The following SNRNP40 variants were observed in gnomAD, a reference collection of about 807,000 sequenced individuals.
SNRNP40 encodes the protein U5 small nuclear ribonucleoprotein 40 kDa protein.
Under a neutral mutation model 45.8 loss-of-function variants are expected in SNRNP40, and 21 were observed. The ratio of observed to expected loss-of-function variants is 0.46; its 90% CI spans 0.32 to 0.66. SNRNP40 has a LOEUF of 0.66. Ranked by LOEUF, SNRNP40 falls within the 30% of genes least tolerant of loss-of-function variation. The pLI, the probability that SNRNP40 is intolerant of heterozygous loss-of-function variation, is 0.03. For synonymous variants in SNRNP40, 142 were observed against 163.8 expected (o/e 0.87, Z 1.01); for missense variants, 344 against 439.1 (o/e 0.78, Z 1.94).
In SNRNP40 at chr1:31,290,165, G is replaced by C. The variant is rs374774866; in HGVS notation, c.366-746C>G. ...TAAGCAACCACGCCCAGCCTCTGAG[G>C]ATGATTTCTAAGTTATAACTGATCT... is the stretch of plus-strand genomic sequence containing the variant. On this transcript the variant is annotated intron_variant, in intron 3 of 9. Transcript: ENST00000263694. Among the ~76,000 whole-genome samples, 5 of 151,968 alleles carry C rather than the reference G, an allele frequency of 3.3e-5. No homozygotes were observed. The East Asian group carries it at 9.7e-4, about 29-fold the overall frequency.
At chr1:31,267,523 C>A (rs1645907266) in intron 8 of SNRNP40, among the ~76,000 whole-genome samples, 1 of 152,108 alleles carries the variant, frequency 6.6e-6, no homozygotes, top group Non-Finnish European at 1.5e-5. Context: ...AGACATCCTG[C>A]ATAGCTATAT....
At chr1:31,283,765 G>GT (rs771436253) in intron 4 of SNRNP40, among the ~76,000 whole-genome samples, 1 of 152,216 alleles carries the variant, frequency 6.6e-6, no homozygotes, top group African/African-American at 2.4e-5. Flanking sequence ...AAAGAAGCAA[G>GT]TAACTATGGT....
At chr1:31,261,674 C>T (rs1440862811) in intron 8 of SNRNP40, 42 bp from the exon 9 acceptor site, 9 of 1,321,082 alleles carry the variant, frequency 6.8e-6, no homozygotes, top group Non-Finnish European at 8.8e-6. Flanking sequence ...CCTCTTAGAG[C>T]TGGGGGTAGG....
chr1:31,269,169 T>C lies in SNRNP40; in HGVS notation c.847A>G (p.Asn283Asp), dbSNP rs1157743811. 1 of 1,604,784 alleles carries C rather than the reference T, an allele frequency of 6.2e-7. No homozygotes were observed. Among genetic ancestry groups the C allele is most frequent in the Non-Finnish European group, 8.5e-7 (1 of 1,176,794 alleles). The change falls in exon 7 of 10, where the codon AAC (asparagine) becomes GAC (aspartate). Residue 283 changes from asparagine (N) to aspartate (D), a missense_variant. Asn to Asp is a conservative substitution (Grantham distance 23). Transcript: ENST00000263694. ...CVKIFQGNVH[N>D]FEKNLLRCSW... ...CATGCAGAACTCACCTTTTCAAAGT[T>C]GTGCACATTTCCTTGAAATATCTTT...
At chr1:31,266,823 T>G (rs1407812594) in intron 8 of SNRNP40, among the ~76,000 whole-genome samples, 1 of 152,218 alleles carries the variant, frequency 6.6e-6, no homozygotes, top group African/African-American at 2.4e-5. Flanking sequence ...TTCATTCATG[T>G]AATATAAACT....
intron 8 of SNRNP40, among the ~76,000 whole-genome samples, chr1:31,262,926 C>T (rs1645870213): frequency 6.6e-6 from 1 of 151,140 alleles, no homozygotes; most frequent in Non-Finnish European, 1.5e-5. Flanking sequence ...TGATTGAGTC[C>T]AGCACGTAGA....
rs755667905 is a variant in SNRNP40 at position 31,269,167 on chromosome 1, G to A, written c.849C>T (p.Asn283=). The part of the protein sequence containing the change: ...CVKIFQGNVH[N]FEKNLLRCSW... ...GCCATGCAGAACTCACCTTTTCAAA[G>A]TTGTGCACATTTCCTTGAAATATCT... Residue 283 remains asparagine (N), a synonymous_variant, in exon 7 of 10, where the codon AAC becomes AAT. Transcript: ENST00000263694. 1.5e-5 allele frequency: 24 copies of A among 1,603,748 alleles called. 1 individual carries two copies. Among genetic ancestry groups the A allele is most frequent in the Middle Eastern group, 3.3e-4 (2 of 6,018 alleles).
At chr1:31,276,422 A>G (rs1430915986) in intron 5 of SNRNP40, among the ~76,000 whole-genome samples, 1 of 152,156 alleles carries the variant, frequency 6.6e-6, no homozygotes, top group Non-Finnish European at 1.5e-5. Flanking sequence ...CAATTCTAAG[A>G]AAATAAGAAT....
chr1:31,280,506 G>A (rs16865957), intron 5 of SNRNP40, among the ~76,000 whole-genome samples: 83,122 of 151,778 alleles, frequency 0.55, 23,719 homozygotes, highest in Non-Finnish European at 0.63. Context: ...AGGAAACAAT[G>A]AGGGATGGAA....
In SNRNP40 at chr1:31,296,582, G is replaced by A. The variant is rs377182513; in HGVS notation, c.141+29C>T. Reference sequence around the variant, plus strand: ...TCTGAGGGGAGGAAGATGAGCTGAGGGCCAAAGGCCGCCTGCTTCTTCACT... The same window carrying A: ...TCTGAGGGGAGGAAGATGAGCTGAGAGCCAAAGGCCGCCTGCTTCTTCACT... On this transcript the variant is annotated intron_variant, in intron 1 of 9. Coordinates refer to ENST00000263694, the MANE Select transcript of SNRNP40 (RefSeq NM_004814.3). The A allele has an allele frequency of 1.3e-5, 21 of 1,592,612 alleles. No individual in the cohort carries two copies. The Admixed American group carries it at 2.1e-4, about 16-fold the overall frequency.
rs749894221 is a variant in SNRNP40, at chr1:31,271,383, A to G, written c.771T>C (p.Asn257=). The change falls in exon 6 of 10, where the codon AAT becomes AAC. Residue 257 remains asparagine (N), a synonymous_variant. Transcript: ENST00000263694. ...AGATTTCCTTTCCAAAGTTACCTGTATTGTCCATTGCATTGGACAAAAGAT... is the reference window on the plus strand; with the variant it reads ...AGATTTCCTTTCCAAAGTTACCTGTGTTGTCCATTGCATTGGACAAAAGAT... ...GSYLLSNAMD[N]TVRVWDVRPF... is the part of the protein sequence containing the mutation. 1 of 1,610,740 alleles carries G rather than the reference A, an allele frequency of 6.2e-7. No homozygotes were observed. Among genetic ancestry groups the G allele is most frequent in the Admixed American group, 1.7e-5 (1 of 59,130 alleles).
At chr1:31,293,973 T>C (rs1646124172) in intron 1 of SNRNP40, among the ~76,000 whole-genome samples, 1 of 152,172 alleles carries the variant, frequency 6.6e-6, no homozygotes, top group South Asian at 2.1e-4. Context: ...TTTTTGTGTG[T>C]TTTGAGACAG....
rs1645920619 is a variant in SNRNP40 at position 31,269,220 on chromosome 1, G to C, written c.796C>G (p.Pro266Ala). 3.1e-6 allele frequency: 5 copies of C among 1,612,622 alleles called. No homozygotes were observed. Among genetic ancestry groups the C allele is most frequent in the African/African-American group, 1.3e-5 (1 of 74,856 alleles). Residue 266 changes from proline (P) to alanine (A), a missense_variant, in exon 7 of 10, where the codon CCA becomes GCA. This residue lies in a region of SNRNP40 where 254 missense variants were observed against 380.2 expected (regional missense o/e 0.67). Coordinates refer to ENST00000263694, the MANE Select transcript of SNRNP40 (RefSeq NM_004814.3). Reference protein sequence around the residue: ...DNTVRVWDVRPFAPKERCVKI... With the variant: ...DNTVRVWDVRAFAPKERCVKI... ...ACACATCTCTCTTTGGGGGCAAATG[G>C]CCGGACATCCCAGACACGAACTGCA... is the stretch of plus-strand genomic sequence containing the variant.
chr1:31,262,913 G>A (rs1374708220), intron 8 of SNRNP40, among the ~76,000 whole-genome samples: 1 of 151,452 alleles, frequency 6.6e-6, no homozygotes, highest in South Asian at 2.1e-4. Context: ...AAGGTGGGAG[G>A]ACTGATTGAG....
At chr1:31,285,996 A>G (rs1220526331) in intron 4 of SNRNP40, among the ~76,000 whole-genome samples, 1 of 151,564 alleles carries the variant, frequency 6.6e-6, no homozygotes, top group East Asian at 2.1e-4. Flanking sequence ...ATAAGCCTTG[A>G]CAAGTACAAG....
rs142394905 is a variant in SNRNP40, at chr1:31,277,246, C to T, written c.654+4128G>A. Reference sequence around the variant, plus strand: ...GAATGAATATTATAATGTTTACATACAAAACATTGTAGTACAGAAAAGACT... The same window carrying T: ...GAATGAATATTATAATGTTTACATATAAAACATTGTAGTACAGAAAAGACT... On this transcript the variant is annotated intron_variant, in intron 5 of 9. Transcript: ENST00000263694. Among the ~76,000 whole-genome samples, 208 of 152,128 alleles carry T rather than the reference C, an allele frequency of 1.4e-3. 1 individual carries two copies. Among genetic ancestry groups the T allele is most frequent in the African/African-American group, 4.8e-3 (201 of 41,506 alleles).
At chr1:31,296,384 G>A (rs1646157709) in intron 1 of SNRNP40, among the ~76,000 whole-genome samples, 1 of 152,202 alleles carries the variant, frequency 6.6e-6, no homozygotes, top group South Asian at 2.1e-4. Context: ...TAATTCTAAT[G>A]CTATCTCAGG....
chr1:31,269,338 C>T (rs1429865842), intron 6 of SNRNP40, 98 bp from the exon 7 acceptor site: 6 of 1,552,318 alleles, frequency 3.9e-6, no homozygotes, highest in Non-Finnish European at 5.2e-6. Context: ...CAATCAATGG[C>T]AGATGCTGTT....
At chr1:31,269,271 C>G in intron 6 of SNRNP40, 31 bp from the exon 7 acceptor site, 1 of 1,611,742 alleles carries the variant, frequency 6.2e-7, no homozygotes, top group Non-Finnish European at 8.5e-7. Context: ...AACAAACCAA[C>G]CAAAACAACT....
Sources: allele counts gnomAD v4.1 joint callset (sites outside exome capture counted in the v4.1 genomes callset), GRCh38; gene constraint gnomAD v4.1.1; regional missense constraint gnomAD v4.1.1; transcripts MANE v1.5; gene names NCBI Gene and HGNC (gene_info 2026-07-23, HGNC 2026-07-21).